Variants in ATP9B observed in about 807,000 individuals in gnomAD.
ATP9B encodes the protein ATPase phospholipid transporting 9B.
A neutral mutation model predicts 146.1 loss-of-function variants in ATP9B; 110 were observed. The ratio of observed to expected loss-of-function variants is 0.75; its 90% CI spans 0.65 to 0.88. ATP9B has a LOEUF of 0.88. ATP9B is among the 40% of genes least tolerant of loss of function. The probability of loss-of-function intolerance (pLI) is 0.00; values close to 1 mark genes in which losing one functional copy is unlikely to be tolerated. For missense variants in ATP9B, 1,499 were observed against 1,496.4 expected (o/e 1.00, Z -0.03); for synonymous variants, 604 against 569.7 (o/e 1.06, Z -0.86).
rs1491577623 is a variant in ATP9B, at chr18:79,367,178, A to ATATCTTCACCTCCACC, written c.3013-5647_3013-5646insTATCTTCACCTCCACC. 9.4e-4 allele frequency among the ~76,000 whole-genome samples: 34 copies of ATATCTTCACCTCCACC among 36,034 alleles called. 17 individuals carry two copies. The highest frequency in any genetic ancestry group is 4.9e-3 in the East Asian group (2 of 408). 23.6% of individuals were successfully genotyped at this position (36,034 alleles called of 152,430 possible). A position where few individuals can be genotyped will look rare whatever the true frequency, so the allele number is the denominator to read the frequency against. ...GCGCCTCCTCAACCAGAGAGCACAC[A>ATATCTTCACCTCCACC]GATACCTTCACCTCCACCGTGTGTA... is the stretch of plus-strand genomic sequence containing the variant. On this transcript the variant is annotated intron_variant, in intron 26 of 29. Coordinates refer to ENST00000426216, the MANE Select transcript of ATP9B (RefSeq NM_198531.5).
chr18:79,354,415 G>A (rs2096938493), intron 25 of ATP9B: 1 of 151,898 alleles, frequency 6.6e-6, no homozygotes, highest in Non-Finnish European at 1.5e-5. Flanking sequence ...CTCTACAGGA[G>A]AACATTAGCT....
Position 79,190,511 on chromosome 18 carries a change from T to TATACAC in ATP9B, c.874-2671_874-2670insTACACA, listed in dbSNP as rs771014834. On this transcript the variant is annotated intron_variant, in intron 8 of 29. Coordinates refer to ENST00000426216, the MANE Select transcript of ATP9B (RefSeq NM_198531.5). ...AAACTGTTCCAGCCCTTTTTATTTATACACACACACACACACACACACACA... is the reference window on the plus strand; with the variant it reads ...AAACTGTTCCAGCCCTTTTTATTTATATACACACACACACACACACACACACACACA... Among the ~76,000 whole-genome samples the TATACAC allele has an allele frequency of 2.1e-5, 3 of 143,668 alleles. No individual in the cohort carries two copies. In the East Asian group the frequency reaches 6.2e-4, roughly 30 times the overall value. 94.3% of individuals were successfully genotyped at this position (143,668 alleles called of 152,430 possible). A position where few individuals can be genotyped will look rare whatever the true frequency, so the allele number is the denominator to read the frequency against.
At position 79,337,396 on chromosome 18, in the gene ATP9B, C is replaced by G. The variant is rs754192607; in HGVS notation, c.2230C>G (p.Leu744Val). ...LLCLTGVEDQ[L>V]QADVRPTLEM... ...GTGCCTCACCGGCGTGGAGGACCAG[C>G]TGCAGGCAGACGTGCGGCCCACGCT... Residue 744 changes from leucine to valine, a missense_variant, in exon 19 of 30, where the codon CTG (leucine) becomes GTG (valine). Transcript: ENST00000426216. The G allele has an allele frequency of 6.2e-7, 1 of 1,613,920 alleles. No individual in the cohort carries two copies. The highest frequency in any genetic ancestry group is 8.5e-7 in the Non-Finnish European group (1 of 1,180,036).
chr18:79,229,756 C>T (rs750532642), intron 11 of ATP9B, among the ~76,000 whole-genome samples: 26 of 152,264 alleles, frequency 1.7e-4, no homozygotes, highest in Middle Eastern at 6.8e-3. Context: ...ATTCTTAAAC[C>T]TTAGCTTTCT....
intron 1 of ATP9B, among the ~76,000 whole-genome samples, chr18:79,071,586 A>C (rs771903731): frequency 6.6e-6 from 1 of 151,740 alleles, no homozygotes; most frequent in African/African-American, 2.4e-5. Context: ...GCATCTTGCT[A>C]TATTGCCCAA....
rs192165262 is a variant in ATP9B, at chr18:79,369,406, G to A, written c.3013-3419G>A. On this transcript the variant is annotated intron_variant, in intron 26 of 29. Coordinates refer to ENST00000426216, the MANE Select transcript of ATP9B (RefSeq NM_198531.5). Reference sequence around the variant, plus strand: ...AAATTAGCTGGGTGTGGTGGCGGGCGCCTGTAGTCCCAGCTACTCGGGAGG... The same window carrying A: ...AAATTAGCTGGGTGTGGTGGCGGGCACCTGTAGTCCCAGCTACTCGGGAGG... 1.1e-3 allele frequency among the ~76,000 whole-genome samples: 173 copies of A among 152,060 alleles called. 1 individual carries two copies. The highest frequency in any genetic ancestry group is 3.4e-3 in the Middle Eastern group (1 of 294).
intron 4 of ATP9B, among the ~76,000 whole-genome samples, chr18:79,120,293 G>T (rs1390439544): frequency 6.6e-6 from 1 of 152,144 alleles, no homozygotes; most frequent in Non-Finnish European, 1.5e-5. Flanking sequence ...TCCTGCCTCT[G>T]AGGCATAAAA....
At position 79,253,539 on chromosome 18, in the gene ATP9B, A is replaced by G. The variant is rs955887842; in HGVS notation, c.1266A>G (p.Ile422Met). ...TCCTCTTTTCTTACATCATTCCCATAAGGTAAGTTTAAAAATGAAAATAAA... is the reference window on the plus strand; with the variant it reads ...TCCTCTTTTCTTACATCATTCCCATGAGGTAAGTTTAAAAATGAAAATAAA... The part of the protein sequence containing the change: ...FLLLFSYIIP[I>M]SLRVNLDMGK... The change falls in exon 12 of 30, where the codon ATA (isoleucine) becomes ATG (methionine). Residue 422 changes from isoleucine (I) to methionine (M), a missense_variant and splice_region_variant. Physicochemically the swap from Ile to Met is conservative, Grantham distance 10 (BLOSUM62 1). Coordinates refer to ENST00000426216, the MANE Select transcript of ATP9B (RefSeq NM_198531.5). 1 of 1,579,924 alleles carries G rather than the reference A, an allele frequency of 6.3e-7. No homozygotes were observed. Among genetic ancestry groups the G allele is most frequent in the African/African-American group, 1.4e-5 (1 of 72,468 alleles).
intron 24 of ATP9B, 88 bp from the exon 25 acceptor site, chr18:79,348,044 T>C: frequency 6.2e-7 from 1 of 1,602,474 alleles, no homozygotes; most frequent in Non-Finnish European, 8.5e-7. Context: ...TGGGCTGTGC[T>C]TAGGAGTTAG....
chr18:79,078,812 GC>G (rs1166929634), intron 1 of ATP9B, among the ~76,000 whole-genome samples: 1 of 151,824 alleles, frequency 6.6e-6, no homozygotes, highest in Non-Finnish European at 1.5e-5. Context: ...CCTTCACCTA[GC>G]CCCCCACACC....
rs572239567 is a variant in ATP9B at position 79,299,251 on chromosome 18, CTCTGCTT to C, written c.1412-4352_1412-4346del. On this transcript the variant is annotated intron_variant, in intron 13 of 29. Coordinates refer to ENST00000426216, the MANE Select transcript of ATP9B (RefSeq NM_198531.5). ...ATGCCCTCTTGGTGGACAGGAGGCTCTCTGCTTCACTGTGCTCTCTTGATGGGACCTA... is the reference window on the plus strand; with the variant it reads ...ATGCCCTCTTGGTGGACAGGAGGCTCCACTGTGCTCTCTTGATGGGACCTA... Among the ~76,000 whole-genome samples the C allele has an allele frequency of 2.6e-4, 40 of 152,216 alleles. No homozygotes were observed. The East Asian group carries it at 7.3e-3, about 28-fold the overall frequency.
chr18:79,340,647 T>A lies in ATP9B; in HGVS notation c.2284-1621T>A, dbSNP rs534496296. Among the ~76,000 whole-genome samples the A allele has an allele frequency of 3.9e-5, 6 of 152,360 alleles. No individual in the cohort carries two copies. The South Asian group carries it at 8.3e-4, about 21-fold the overall frequency. ...CTAATGAGAATATTACTGGAAGTTC[T>A]TTGCTGTTATATATATCAAATATCC... On this transcript the variant is annotated intron_variant, in intron 19 of 29. Transcript: ENST00000426216.
intron 16 of ATP9B, 129 bp downstream of exon 16, chr18:79,329,431 T>C (rs2096778523): frequency 1.8e-6 from 1 of 548,352 alleles, no homozygotes; most frequent in African/African-American, 2.4e-5. Flanking sequence ...GTTTTGTTTG[T>C]TTTTTTTTTT....
At position 79,163,798 on chromosome 18, in the gene ATP9B, A is replaced by G. The variant is rs553196485; in HGVS notation, c.778+9243A>G. On this transcript the variant is annotated intron_variant, in intron 7 of 29. Coordinates refer to ENST00000426216, the MANE Select transcript of ATP9B (RefSeq NM_198531.5). ...TCTAAAATCTCTAAAATTAACCTCA[A>G]TTGTTTAGTTATTTACCTTTAGGAA... Among the ~76,000 whole-genome samples the G allele has an allele frequency of 9.3e-5, 14 of 151,210 alleles. No homozygotes were observed. In the South Asian group the frequency reaches 2.3e-3, roughly 25 times the overall value.
intron 12 of ATP9B, among the ~76,000 whole-genome samples, chr18:79,275,960 G>C (rs919690553): frequency 1.3e-5 from 2 of 152,144 alleles, no homozygotes; most frequent in Admixed American, 1.3e-4. Flanking sequence ...TTCCTTCATT[G>C]ACTGTGATTC....
Position 79,176,845 on chromosome 18 carries a change from G to A in ATP9B, c.811G>A (p.Gly271Ser). Residue 271 changes from glycine to serine, a missense_variant, in exon 8 of 30, where the codon GGT becomes AGT. Physicochemically the swap from Gly to Ser is moderately conservative, Grantham distance 56. Coordinates refer to ENST00000426216, the MANE Select transcript of ATP9B (RefSeq NM_198531.5). ...TTTTATTCGAACTGATCAACTAGAT[G>A]GTGAAACTGACTGGAAGCTGAAGGT... Reference protein sequence around the residue: ...SCFIRTDQLDGETDWKLKVAV... With the variant: ...SCFIRTDQLDSETDWKLKVAV... The A allele has an allele frequency of 6.2e-7, 1 of 1,614,136 alleles. No homozygotes were observed. Among genetic ancestry groups the A allele is most frequent in the East Asian group, 2.2e-5 (1 of 44,872 alleles).
chr18:79,293,871 G>T lies in ATP9B; in HGVS notation c.1412-9733G>T, dbSNP rs116450375. Among the ~76,000 whole-genome samples, 1,003 of 152,254 alleles carry T rather than the reference G, an allele frequency of 6.6e-3. 6 individuals carry two copies. The highest frequency in any genetic ancestry group is 0.023 in the African/African-American group (938 of 41,546). ...TTTCAACTAAATGCATAAATGCGCA[G>T]ATATTATATTCAGTATTTTAGCATC... On this transcript the variant is annotated intron_variant, in intron 13 of 29. Transcript: ENST00000426216.
intron 4 of ATP9B, among the ~76,000 whole-genome samples, chr18:79,119,070 TAAA>T (rs749365383): frequency 7.2e-6 from 1 of 138,738 alleles, no homozygotes; most frequent in Non-Finnish European, 1.6e-5. Context: ...GACCGTGTCT[TAAA>T]AAAAAAAAAA....
At chr18:79,201,880 A>T (rs371989510) in intron 9 of ATP9B, among the ~76,000 whole-genome samples, 334 of 151,358 alleles carry the variant, frequency 2.2e-3, no homozygotes, top group Non-Finnish European at 3.1e-3. Context: ...ATTTAAAAAA[A>T]TTTTTTTTTT....
Sources: gnomAD v4.1 joint callset for allele counts (sites outside exome capture counted in the v4.1 genomes callset) on GRCh38, gnomAD v4.1.1 for gene constraint, MANE v1.5 for transcripts, NCBI Gene and HGNC (gene_info 2026-07-23, HGNC 2026-07-21) for gene names.